ANGPT1: variants seen among roughly 807,000 people sequenced by gnomAD.
The protein encoded by ANGPT1 is angiopoietin-1.
ANGPT1 carries 17 observed loss-of-function variants against 62.2 expected under a neutral mutation model. The ratio of observed to expected loss-of-function variants is 0.27; its 90% CI spans 0.19 to 0.41. The LOEUF (loss-of-function observed/expected upper bound fraction) is 0.41. Ranked by LOEUF, ANGPT1 falls within the 10% of genes least tolerant of loss-of-function variation. ANGPT1 has a pLI of 1.00. For missense variants in ANGPT1, 478 were observed against 594.9 expected, an observed-to-expected ratio of 0.80 and a Z score of 2.04; for synonymous variants, 199 against 198.9, an observed-to-expected ratio of 1.00 and a Z score of 0.00.
chr8:107,340,291 A>T (rs1815667031), intron 2 of ANGPT1, among the ~76,000 whole-genome samples: 1 of 152,226 alleles, frequency 6.6e-6, no homozygotes, highest in Non-Finnish European at 1.5e-5. Flanking sequence ...CTCAAGGAAC[A>T]ATTTCAAAGA....
At chr8:107,338,222 G>A (rs888834686) in intron 2 of ANGPT1, among the ~76,000 whole-genome samples, 1 of 152,250 alleles carries the variant, frequency 6.6e-6, no homozygotes. Context: ...TGAGGTGAGA[G>A]AGGCAAATGC....
chr8:107,405,294 T>A lies in ANGPT1; in HGVS notation c.298-58197A>T, dbSNP rs1817126634. ...GTTTATAAATTGAGATCGTACTCTA[T>A]ATTTTTAATATTCTTTTTCTCCTTA... is the stretch of plus-strand genomic sequence containing the variant. On this transcript the variant is annotated intron_variant, in intron 1 of 8. Coordinates refer to ENST00000517746, the MANE Select transcript of ANGPT1 (RefSeq NM_001146.5). Among the ~76,000 whole-genome samples the A allele has an allele frequency of 2.6e-5, 4 of 151,974 alleles. No homozygotes were observed. The South Asian group carries it at 8.3e-4, about 31-fold the overall frequency.
At chr8:107,298,413 G>T (rs1160525923) in intron 5 of ANGPT1, among the ~76,000 whole-genome samples, 1 of 151,694 alleles carries the variant, frequency 6.6e-6, no homozygotes, top group African/African-American at 2.4e-5. Flanking sequence ...ATTTGGTTTT[G>T]GAAACATAAA....
At chr8:107,438,346 G>T (rs1811390508) in intron 1 of ANGPT1, among the ~76,000 whole-genome samples, 1 of 151,604 alleles carries the variant, frequency 6.6e-6, no homozygotes, top group African/African-American at 2.4e-5. Flanking sequence ...GTCTTTGGAG[G>T]GGGTCTTTTT....
chr8:107,363,797 A>G (rs1816217036), intron 1 of ANGPT1, among the ~76,000 whole-genome samples: 1 of 152,180 alleles, frequency 6.6e-6, no homozygotes, highest in Non-Finnish European at 1.5e-5. Context: ...ACAGAGGCCT[A>G]GCTTCCTAAT....
intron 4 of ANGPT1, among the ~76,000 whole-genome samples, chr8:107,315,060 G>A (rs1334048811): frequency 6.6e-6 from 1 of 152,164 alleles, no homozygotes; most frequent in East Asian, 1.9e-4. Flanking sequence ...GCACTGAGAA[G>A]AAAGCAAATG....
Position 107,342,999 on chromosome 8 carries a change from C to CTT in ANGPT1, c.453+3941_453+3942dup, listed in dbSNP as rs5893847. 1.4e-4 allele frequency among the ~76,000 whole-genome samples: 17 copies of CTT among 124,746 alleles called. No homozygotes were observed. In the East Asian group the frequency reaches 1.4e-3, roughly 10 times the overall value. The allele number at this position is 124,746 out of a possible 152,430, so 81.8% of individuals were successfully genotyped here. A position where few individuals can be genotyped will look rare whatever the true frequency, so the allele number is the denominator to read the frequency against. On this transcript the variant is annotated intron_variant, in intron 2 of 8. Transcript: ENST00000517746. ...TACAGGCACGCATTACCATGCCTGG[C>CTT]TTTTTTTTTTTTTTTTGTAGAGATA...
At chr8:107,282,562 A>ATATATATATATATATATATC in intron 7 of ANGPT1, among the ~76,000 whole-genome samples, 1 of 102,956 alleles carries the variant, frequency 9.7e-6, no homozygotes, top group Non-Finnish European at 1.9e-5. Context: ...CCATATATAT[A>ATATATATATATATATATATC]TATATATATA....
chr8:107,397,230 T>C (rs1388600671), intron 1 of ANGPT1, among the ~76,000 whole-genome samples: 1 of 152,188 alleles, frequency 6.6e-6, no homozygotes, highest in African/African-American at 2.4e-5. Context: ...TATATGTATT[T>C]ATTTGTTTCT....
At chr8:107,375,933 A>G (rs929201538) in intron 1 of ANGPT1, among the ~76,000 whole-genome samples, 5 of 152,154 alleles carry the variant, frequency 3.3e-5, no homozygotes, top group African/African-American at 9.7e-5. Flanking sequence ...ATATGACCCA[A>G]TTGGATTTGT....
At chr8:107,405,633 A>T (rs1363802738) in intron 1 of ANGPT1, among the ~76,000 whole-genome samples, 1 of 151,966 alleles carries the variant, frequency 6.6e-6, no homozygotes, top group Non-Finnish European at 1.5e-5. Context: ...AAGGTGTATG[A>T]TTATATATAT....
intron 5 of ANGPT1, among the ~76,000 whole-genome samples, chr8:107,301,931 G>T (rs1405234502): frequency 4.6e-5 from 7 of 151,932 alleles, no homozygotes; most frequent in African/African-American, 1.7e-4. Flanking sequence ...TGCCAATTAA[G>T]TGGCATCTGG....
intron 1 of ANGPT1, among the ~76,000 whole-genome samples, chr8:107,401,325 T>A (rs546922011): frequency 1.3e-5 from 2 of 152,270 alleles, no homozygotes; most frequent in Non-Finnish European, 2.9e-5. Context: ...TTAATTATAT[T>A]TTTTTAAAGT....
At chr8:107,328,086 A>C (rs1421772368) in intron 3 of ANGPT1, among the ~76,000 whole-genome samples, 2 of 152,066 alleles carry the variant, frequency 1.3e-5, no homozygotes, top group Non-Finnish European at 2.9e-5. Flanking sequence ...TATGAGTATA[A>C]ATATAGCCCT....
At chr8:107,418,226 T>A (rs115545657) in intron 1 of ANGPT1, among the ~76,000 whole-genome samples, 1 of 152,292 alleles carries the variant, frequency 6.6e-6, no homozygotes, top group African/African-American at 2.4e-5. Context: ...AAACAGTAAT[T>A]TACTTTATCT....
intron 1 of ANGPT1, among the ~76,000 whole-genome samples, chr8:107,478,783 C>T (rs1195245937): frequency 3.3e-5 from 5 of 152,074 alleles, no homozygotes; most frequent in African/African-American, 9.7e-5. Context: ...CTATTACATA[C>T]ATACAGCTTT....
chr8:107,371,715 T>C (rs1055218928), intron 1 of ANGPT1, among the ~76,000 whole-genome samples: 1 of 151,902 alleles, frequency 6.6e-6, no homozygotes, highest in Non-Finnish European at 1.5e-5. Context: ...TAGCTGGGTT[T>C]ACAGGCACCC....
At chr8:107,480,133 T>C (rs1346881182) in intron 1 of ANGPT1, among the ~76,000 whole-genome samples, 2 of 152,194 alleles carry the variant, frequency 1.3e-5, no homozygotes. Context: ...ACTGCATGTA[T>C]GCCTAAGTAA....
At chr8:107,295,000 A>T (rs772020228) in intron 5 of ANGPT1, 3 of 152,196 alleles carry the variant, frequency 2.0e-5, no homozygotes, top group Admixed American at 2.0e-4. Context: ...GCAGGCTATG[A>T]GGACACAGAG....
Sources: allele counts gnomAD v4.1 joint callset (sites outside exome capture counted in the v4.1 genomes callset), GRCh38; gene constraint gnomAD v4.1.1; transcripts MANE v1.5; gene names NCBI Gene and HGNC (gene_info 2026-07-23, HGNC 2026-07-21).